The following PHF21B variants were observed in gnomAD, a reference collection of about 807,000 sequenced individuals.
PHF21B encodes the protein PHD finger protein 4.
PHF21B carries 22 observed loss-of-function variants against 62.2 expected under a neutral mutation model. That is an observed-to-expected ratio of 0.35 (90% CI 0.25 to 0.51). PHF21B has a LOEUF of 0.51. Among genes scored for constraint, PHF21B ranks in the 20% least tolerant of loss-of-function variants. PHF21B has a pLI of 0.97. For synonymous variants in PHF21B, 341 were observed against 314.7 expected (o/e 1.08, Z -0.88); for missense variants, 701 against 707.9 (o/e 0.99, Z 0.11).
At chr22:44,953,363 C>T (rs2072231687) in intron 2 of PHF21B, among the ~76,000 whole-genome samples, 1 of 152,200 alleles carries the variant, frequency 6.6e-6, no homozygotes, top group South Asian at 2.1e-4. Context: ...GAGTGCCCCT[C>T]CCTACCCCTC....
At chr22:44,893,237 T>A (rs12157974) in intron 7 of PHF21B, among the ~76,000 whole-genome samples, 8,465 of 152,240 alleles carry the variant, frequency 0.056, 709 homozygotes, top group African/African-American at 0.18. Flanking sequence ...CTATTAGGAA[T>A]AAACTGACAT....
intron 5 of PHF21B, among the ~76,000 whole-genome samples, chr22:44,907,051 T>C (rs1471178294): frequency 6.6e-6 from 1 of 152,190 alleles, no homozygotes; most frequent in African/African-American, 2.4e-5. Context: ...GTCACGCGTT[T>C]TAGAGCATTG....
At chr22:44,920,754 T>C (rs538376859) in intron 2 of PHF21B, among the ~76,000 whole-genome samples, 4 of 152,374 alleles carry the variant, frequency 2.6e-5, no homozygotes, top group African/African-American at 9.6e-5. Context: ...AAGTGAATTT[T>C]TTATACAGCT....
At chr22:44,885,674 C>T in intron 11 of PHF21B, 145 bp from the exon 12 acceptor site, 1 of 1,015,960 alleles carries the variant, frequency 9.8e-7, no homozygotes, top group Non-Finnish European at 1.4e-6. Flanking sequence ...ATGCACAGGA[C>T]CTGGAGCCAC....
intron 4 of PHF21B, 152 bp from the exon 5 acceptor site, chr22:44,914,240 G>A (rs555725701): frequency 1.4e-4 from 77 of 562,788 alleles, no homozygotes; most frequent in Non-Finnish European, 2.0e-4. Context: ...GGTGGTTTGC[G>A]CCCCTGTCTG....
chr22:44,897,976 T>C (rs1196159423), intron 5 of PHF21B, among the ~76,000 whole-genome samples: 1 of 152,090 alleles, frequency 6.6e-6, no homozygotes, highest in East Asian at 1.9e-4. Context: ...ACCCAGCTAA[T>C]TTTTAAATTT....
intron 9 of PHF21B, 36 bp downstream of exon 9, chr22:44,889,724 C>G: frequency 6.3e-7 from 1 of 1,581,396 alleles, no homozygotes; most frequent in Non-Finnish European, 8.6e-7. Context: ...CATTCTCCAC[C>G]CCGGAAGTGT....
chr22:44,971,856 C>T (rs904914991), intron 2 of PHF21B, among the ~76,000 whole-genome samples: 1 of 152,360 alleles, frequency 6.6e-6, no homozygotes, highest in East Asian at 1.9e-4. Flanking sequence ...ACATGTCTGT[C>T]GTTCCTTGCA....
At chr22:44,936,530 C>T (rs559213107) in intron 2 of PHF21B, among the ~76,000 whole-genome samples, 67 of 152,180 alleles carry the variant, frequency 4.4e-4, no homozygotes, top group Non-Finnish European at 7.8e-4. Flanking sequence ...TCCTGCCATC[C>T]GTTACTGGTG....
chr22:44,992,837 C>T (rs1438056874), intron 2 of PHF21B, among the ~76,000 whole-genome samples: 3 of 152,212 alleles, frequency 2.0e-5, no homozygotes, highest in African/African-American at 7.2e-5. Context: ...CCTGCTCACA[C>T]GATCCTGTCG....
intron 5 of PHF21B, among the ~76,000 whole-genome samples, chr22:44,900,789 T>C (rs1222698723): frequency 6.6e-6 from 1 of 151,878 alleles, no homozygotes; most frequent in Non-Finnish European, 1.5e-5. Flanking sequence ...GACTCTTTTT[T>C]TTTTTTTTTT....
chr22:44,941,295 C>A lies in PHF21B; in HGVS notation c.121-20805G>T, dbSNP rs150967476. ...GTGCTACCTCCTGCAAGCTACACCG[C>A]GCCATGCCGCACCACCAGCTCTCAG... On this transcript the variant is annotated intron_variant, in intron 2 of 12. Transcript: ENST00000313237. 2.9e-3 allele frequency among the ~76,000 whole-genome samples: 442 copies of A among 152,348 alleles called. 3 individuals carry two copies. The highest frequency in any genetic ancestry group is 0.01 in the African/African-American group (420 of 41,586).
At chr22:44,951,322 C>G (rs1255747339) in intron 2 of PHF21B, among the ~76,000 whole-genome samples, 1 of 152,100 alleles carries the variant, frequency 6.6e-6, no homozygotes, top group Non-Finnish European at 1.5e-5. Flanking sequence ...CAATAGGGTT[C>G]GTGTTCCTAT....
intron 5 of PHF21B, among the ~76,000 whole-genome samples, chr22:44,906,707 T>C (rs965317020): frequency 1.3e-5 from 2 of 152,208 alleles, no homozygotes; most frequent in Non-Finnish European, 2.9e-5. Context: ...TGACCGTACA[T>C]GTGGTTTCCC....
rs745877655 is a variant in PHF21B, at chr22:44,893,442, T to C, written c.960+15A>G. ...CCCCACCCTCCTGGTGGCATGGGGCTGGCGGGTTCCCCACCTCGGTCTCCA... is the reference window on the plus strand; with the variant it reads ...CCCCACCCTCCTGGTGGCATGGGGCCGGCGGGTTCCCCACCTCGGTCTCCA... On this transcript the variant is annotated intron_variant, in intron 7 of 12. Transcript: ENST00000313237. 3 of 1,586,302 alleles carry C rather than the reference T, an allele frequency of 1.9e-6. No individual in the cohort carries two copies. Among genetic ancestry groups the C allele is most frequent in the Non-Finnish European group, 2.6e-6 (3 of 1,166,724 alleles).
At chr22:44,892,487 T>A (rs1456555949) in intron 7 of PHF21B, among the ~76,000 whole-genome samples, 1 of 152,248 alleles carries the variant, frequency 6.6e-6, no homozygotes, top group Non-Finnish European at 1.5e-5. Context: ...ACATGGATTC[T>A]GGGCAGTGGC....
chr22:44,982,871 C>T (rs539373636), intron 2 of PHF21B, among the ~76,000 whole-genome samples: 6 of 147,292 alleles, frequency 4.1e-5, no homozygotes, highest in South Asian at 2.2e-4. Context: ...AGAAGGAAGA[C>T]GTCTGAACTG....
chr22:44,889,481 C>T (rs920596093), intron 9 of PHF21B, among the ~76,000 whole-genome samples: 5 of 152,238 alleles, frequency 3.3e-5, no homozygotes, highest in Non-Finnish European at 5.9e-5. Context: ...AGTTGGGCCT[C>T]AGTGGCCCCT....
At chr22:44,888,483 T>TGA (rs2147249736) in intron 9 of PHF21B, among the ~76,000 whole-genome samples, 1 of 139,876 alleles carries the variant, frequency 7.1e-6, no homozygotes, top group Admixed American at 6.7e-5. Flanking sequence ...AACAGCCCCC[T>TGA]GAGGGTCTGT....
Sources: gnomAD v4.1 joint callset for allele counts (sites outside exome capture counted in the v4.1 genomes callset) on GRCh38, gnomAD v4.1.1 for gene constraint, MANE v1.5 for transcripts, NCBI Gene and HGNC (gene_info 2026-07-23, HGNC 2026-07-21) for gene names.